The following FDXR variants were observed in gnomAD, a reference collection of about 807,000 sequenced individuals.
The protein encoded by FDXR is NADPH:adrenodoxin oxidoreductase, mitochondrial.
A neutral mutation model predicts 58.3 loss-of-function variants in FDXR; 38 were observed. That is an observed-to-expected ratio of 0.65 (90% CI 0.50 to 0.85). The LOEUF is 0.85. Among genes scored for constraint, FDXR ranks in the 40% least tolerant of loss-of-function variants. The pLI is 0.00. For missense variants in FDXR, 624 were observed against 671.0 expected, an observed-to-expected ratio of 0.93 and a Z score of 0.77; for synonymous variants, 275 against 273.8, an observed-to-expected ratio of 1.00 and a Z score of -0.04.
Position 74,872,091 on chromosome 17 carries a change from A to C in FDXR, c.122T>G (p.Ile41Ser). 6.2e-7 allele frequency: 1 copy of C among 1,607,676 alleles called. No individual in the cohort carries two copies. Among genetic ancestry groups the C allele is most frequent in the Non-Finnish European group, 8.5e-7 (1 of 1,176,652 alleles). Residue 41 changes from isoleucine (I) to serine (S), a missense_variant, in exon 2 of 12, where the codon ATC becomes AGC. Coordinates refer to ENST00000293195, the MANE Select transcript of FDXR (RefSeq NM_024417.5). ...HFSTQEKTPQICVVGSGPAGF... is the reference protein window; with the variant it reads ...HFSTQEKTPQSCVVGSGPAGF... ...AGCTGGGCCACTGCCCACCACACAGATCTGGGGGGTCTTCTCCTGTGTGGA... is the reference window on the plus strand; with the variant it reads ...AGCTGGGCCACTGCCCACCACACAGCTCTGGGGGGTCTTCTCCTGTGTGGA...
At position 74,862,794 on chromosome 17, in the gene FDXR, G is replaced by T; in HGVS notation, c.*23C>A. 1.3e-6 allele frequency: 2 copies of T among 1,596,566 alleles called. No individual in the cohort carries two copies. Among genetic ancestry groups the T allele is most frequent in the Non-Finnish European group, 8.5e-7 (1 of 1,174,198 alleles). On this transcript the variant is annotated 3_prime_UTR_variant, in exon 12 of 12. Transcript: ENST00000293195. Reference sequence around the variant, plus strand: ...TCCCAACACTCATCCCTTCCCTGCTGGGGGCCGGGGCTGGGGCTGGGCTCA... The same window carrying T: ...TCCCAACACTCATCCCTTCCCTGCTTGGGGCCGGGGCTGGGGCTGGGCTCA...
chr17:74,868,211 C>T (rs1363306169), intron 2 of FDXR: 5 of 441,606 alleles, frequency 1.1e-5, no homozygotes, highest in Non-Finnish European at 1.7e-5. Context: ...TCCCTCAAGC[C>T]CCACGATGTT....
intron 2 of FDXR, among the ~76,000 whole-genome samples, chr17:74,870,605 C>T (rs1326481594): frequency 6.6e-6 from 1 of 151,504 alleles, no homozygotes; most frequent in East Asian, 1.9e-4. Flanking sequence ...AAAAAACTGT[C>T]CCTTATACAA....
intron 9 of FDXR, 28 bp downstream of exon 9, chr17:74,864,120 G>C (rs201770669): frequency 6.2e-7 from 1 of 1,613,124 alleles, no homozygotes; most frequent in East Asian, 2.2e-5. Flanking sequence ...CCTGGGAAGG[G>C]GGTGTCTTTG....
Position 74,864,305 on chromosome 17 carries a change from C to G in FDXR, c.845G>C (p.Arg282Pro), listed in dbSNP as rs111830964. The G allele has an allele frequency of 1.3e-6, 2 of 1,584,892 alleles. No individual in the cohort carries two copies. The highest frequency in any genetic ancestry group is 8.6e-7 in the Non-Finnish European group (1 of 1,162,564). ...CGGCCCTGGCTTCTCTGTGGCCGTT[C>G]GAAGCAGCAGTTCCGTCAGCCGCTT... Reference protein sequence around the residue: ...PRKRLTELLLRTATEKPGPAE... With the variant: ...PRKRLTELLLPTATEKPGPAE... Residue 282 changes from arginine (R) to proline (P), a missense_variant, in exon 9 of 12, where the codon CGA becomes CCA. Arg to Pro is a moderately radical substitution (Grantham distance 103). Coordinates refer to ENST00000293195, the MANE Select transcript of FDXR (RefSeq NM_024417.5).
At chr17:74,871,661 G>A (rs1280242277) in intron 2 of FDXR, among the ~76,000 whole-genome samples, 1 of 152,208 alleles carries the variant, frequency 6.6e-6, no homozygotes, top group Non-Finnish European at 1.5e-5. Flanking sequence ...AGCGGAGGAG[G>A]TGGGTAGCCT....
chr17:74,866,089 G>A, intron 5 of FDXR, 42 bp downstream of exon 5: 1 of 1,428,516 alleles, frequency 7.0e-7, no homozygotes. Flanking sequence ...AAGGGCTGAG[G>A]GGCGGGGAGG....
intron 2 of FDXR, chr17:74,868,903 G>T (rs2038283024): frequency 1.5e-6 from 1 of 660,052 alleles, no homozygotes; most frequent in Non-Finnish European, 2.4e-6. Context: ...GAGACCCTTG[G>T]ATGTCCCACC....
intron 10 of FDXR, 94 bp downstream of exon 10, chr17:74,863,802 A>G: frequency 6.8e-7 from 1 of 1,463,564 alleles, no homozygotes; most frequent in Non-Finnish European, 9.3e-7. Context: ...TTCTCAGTAC[A>G]TGTTGCTAGA....
At chr17:74,872,402 T>G in intron 1 of FDXR, 2 of 826,406 alleles carry the variant, frequency 2.4e-6, no homozygotes, top group Non-Finnish European at 3.7e-6. Context: ...TCATTCCCTA[T>G]CCAATCGGCT....
rs571003894 is a variant in FDXR, at chr17:74,864,339, G to A, written c.811C>T (p.Arg271Cys). 30 of 1,575,816 alleles carry A rather than the reference G, an allele frequency of 1.9e-5. No homozygotes were observed. Among genetic ancestry groups the A allele is most frequent in the South Asian group, 4.6e-5 (4 of 87,618 alleles). Reference protein sequence around the residue: ...GLQDKIKEVPRPRKRLTELLL... With the variant: ...GLQDKIKEVPCPRKRLTELLL... ...AGTTCCGTCAGCCGCTTCCTCGGGC[G>A]GGGGACCTCTGTCAGCAACGTAGAA... is the stretch of plus-strand genomic sequence containing the variant. Residue 271 changes from arginine (R) to cysteine (C), a missense_variant, in exon 9 of 12, where the codon CGC becomes TGC. Transcript: ENST00000293195.
rs753316383 is a variant in FDXR at position 74,866,792 on chromosome 17, C to T, written c.262G>A (p.Glu88Lys). 21 of 1,614,008 alleles carry T rather than the reference C, an allele frequency of 1.3e-5. No individual in the cohort carries two copies. The highest frequency in any genetic ancestry group is 7.7e-5 in the South Asian group (7 of 91,090). The change falls in exon 3 of 12, where the codon GAG becomes AAG. Residue 88 changes from glutamate to lysine, a missense_variant. By Grantham distance (56) the Glu-to-Lys change is moderately conservative. Coordinates refer to ENST00000293195, the MANE Select transcript of FDXR (RefSeq NM_024417.5). Reference protein sequence around the residue: ...VRFGVAPDHPEVKNVINTFTQ... With the variant: ...VRFGVAPDHPKVKNVINTFTQ... ...GGCCCAGAGACACCCACCTTCACCT[C>T]GGGGTGATCAGGCGCCACACCAAAG... is the stretch of plus-strand genomic sequence containing the variant.
Position 74,872,958 on chromosome 17 carries a change from AAC to A in FDXR, c.-16_-15del. The A allele has an allele frequency of 6.5e-7, 1 of 1,550,112 alleles. No individual in the cohort carries two copies. Among genetic ancestry groups the A allele is most frequent in the East Asian group, 2.4e-5 (1 of 41,270 alleles). ...GCGCGAAGCCATGGCTGGGAGCAGC[AAC>A]CTGCAAGTGGATCTGTTCCTAGCTA... On this transcript the variant is annotated 5_prime_UTR_variant, in exon 1 of 12. Transcript: ENST00000293195.
chr17:74,862,501 G>T lies in FDXR; in HGVS notation c.*316C>A. On this transcript the variant is annotated 3_prime_UTR_variant, in exon 12 of 12. Transcript: ENST00000293195. ...AAGTCCCCCATCAACCATGGCTCTT[G>T]GTTGCAGCTGTTTTATTTCCAGCAT... 3.5e-6 allele frequency: 1 copy of T among 281,740 alleles called. No individual in the cohort carries two copies. The highest frequency in any genetic ancestry group is 6.6e-6 in the Non-Finnish European group (1 of 151,342). 17.5% of individuals were successfully genotyped at this position (281,740 alleles called of 1,614,324 possible).
At chr17:74,863,535 T>C (rs1194366459) in intron 10 of FDXR, among the ~76,000 whole-genome samples, 1 of 152,236 alleles carries the variant, frequency 6.6e-6, no homozygotes, top group African/African-American at 2.4e-5. Context: ...GGTAAATGTT[T>C]ACCAAGTGAA....
At chr17:74,871,198 T>A (rs35037322) in intron 2 of FDXR, among the ~76,000 whole-genome samples, 1 of 152,284 alleles carries the variant, frequency 6.6e-6, no homozygotes, top group East Asian at 1.9e-4. Context: ...CTGGGAAGCA[T>A]GCACGGGTCA....
chr17:74,869,893 C>T, intron 2 of FDXR: 1 of 437,016 alleles, frequency 2.3e-6, no homozygotes, highest in Non-Finnish European at 4.7e-6. Flanking sequence ...GATCCCAGTG[C>T]CATCCCTGCT....
intron 2 of FDXR, among the ~76,000 whole-genome samples, chr17:74,870,691 A>G (rs1268548103): frequency 1.3e-5 from 2 of 150,762 alleles, no homozygotes; most frequent in Non-Finnish European, 3.0e-5. Flanking sequence ...TCCCTCCCAC[A>G]TGGCAGCGTG....
chr17:74,866,312 C>A, intron 4 of FDXR, 68 bp from the exon 5 acceptor site: 2 of 1,567,598 alleles, frequency 1.3e-6, no homozygotes, highest in African/African-American at 1.4e-5. Flanking sequence ...GGGCAGCCCC[C>A]CAGGCTCCCA....
Sources: gnomAD v4.1 joint callset for allele counts (sites outside exome capture counted in the v4.1 genomes callset) on GRCh38, gnomAD v4.1.1 for gene constraint, MANE v1.5 for transcripts, NCBI Gene and HGNC (gene_info 2026-07-23, HGNC 2026-07-21) for gene names.